Variants in OPTC observed in about 807,000 individuals in gnomAD.
OPTC encodes opticin, also known as oculoglycan.
OPTC carries 22 observed loss-of-function variants against 25.4 expected under a neutral mutation model. That is an observed-to-expected ratio of 0.87 (90% CI 0.62 to 1.24). OPTC has a LOEUF of 1.24. Ranked by LOEUF, OPTC falls within the 50% of genes most tolerant of loss-of-function variation. The pLI is 0.00. For missense variants in OPTC, 417 were observed against 425.2 expected (o/e 0.98, Z 0.17); for synonymous variants, 169 against 179.3 (o/e 0.94, Z 0.46).
Position 203,502,904 on chromosome 1 carries a change from T to C in OPTC, c.733-10T>C. Reference sequence around the variant, plus strand: ...CCACCAGCCTCCTACACTCTTTGCTTTCTCCACAGGCAATGGAGAAGCTGC... The same window carrying C: ...CCACCAGCCTCCTACACTCTTTGCTCTCTCCACAGGCAATGGAGAAGCTGC... On this transcript the variant is annotated splice_polypyrimidine_tract_variant and intron_variant, in intron 5 of 7. Coordinates refer to ENST00000367222, the MANE Select transcript of OPTC (RefSeq NM_014359.4). 6.2e-7 allele frequency: 1 copy of C among 1,612,722 alleles called. No homozygotes were observed. The highest frequency in any genetic ancestry group is 8.5e-7 in the Non-Finnish European group (1 of 1,178,976).
At chr1:203,499,901 TACCACCACCCACCTCCACCACCTACCTCC>T in intron 5 of OPTC, 50 bp downstream of exon 5, 2 of 1,460,062 alleles carry the variant, frequency 1.4e-6, no homozygotes, top group Non-Finnish European at 1.9e-6. Context: ...CACCCACCTC[TACCACCACCCACCTCCACCACCTACCTCC>T]ACCACTCACC....
chr1:203,503,986 G>A (rs909476483), intron 7 of OPTC, among the ~76,000 whole-genome samples: 3 of 152,094 alleles, frequency 2.0e-5, no homozygotes, highest in Non-Finnish European at 4.4e-5. Flanking sequence ...TCAGAAAATA[G>A]CAGTGTCTGC....
In OPTC at chr1:203,497,122, G is replaced by T; in HGVS notation, c.370+7G>T. ...AGTTCCCAGCCCAACCATGGTAAGT[G>T]CACAGTCACATGGTCGCAATATCCC... On this transcript the variant is annotated splice_region_variant and intron_variant, in intron 3 of 7. Coordinates refer to ENST00000367222, the MANE Select transcript of OPTC (RefSeq NM_014359.4). 1 of 1,613,940 alleles carries T rather than the reference G, an allele frequency of 6.2e-7. No individual in the cohort carries two copies. The highest frequency in any genetic ancestry group is 2.2e-5 in the East Asian group (1 of 44,876).
At chr1:203,498,640 CT>C in intron 3 of OPTC, 40 bp from the exon 4 acceptor site, 1 of 1,613,468 alleles carries the variant, frequency 6.2e-7, no homozygotes, top group South Asian at 1.1e-5. Context: ...GCCCCAGAGG[CT>C]AAAGAGATCT....
intron 2 of OPTC, among the ~76,000 whole-genome samples, chr1:203,496,633 C>T (rs1661285602): frequency 6.6e-6 from 1 of 152,164 alleles, no homozygotes; most frequent in Non-Finnish European, 1.5e-5. Context: ...CCCAGAAGCC[C>T]CTACTCAATT....
At chr1:203,502,802 A>G in intron 5 of OPTC, 112 bp from the exon 6 acceptor site, 1 of 838,254 alleles carries the variant, frequency 1.2e-6, no homozygotes, top group South Asian at 1.4e-5. Flanking sequence ...GCTGAGGCTA[A>G]GTGAGCCCTG....
chr1:203,505,381 T>C (rs1661463922), intron 7 of OPTC, among the ~76,000 whole-genome samples: 1 of 152,154 alleles, frequency 6.6e-6, no homozygotes, highest in South Asian at 2.1e-4. Flanking sequence ...ACAACTGATG[T>C]TTAAGCTGAA....
rs1661318363 is a variant in OPTC, at chr1:203,498,716, T to C, written c.406T>C (p.Ser136Pro). 1.9e-6 allele frequency: 3 copies of C among 1,614,054 alleles called. No homozygotes were observed. The highest frequency in any genetic ancestry group is 2.2e-5 in the South Asian group (2 of 91,094). ...CTGCCTGGTCTGCGTGTGCCTCGGT[T>C]CCTCTGTGTATTGCGATGACATTGA... ...PTCLVCVCLG[S>P]SVYCDDIDLE... The change falls in exon 4 of 8, where the codon TCC becomes CCC. Residue 136 changes from serine to proline, a missense_variant. Ser to Pro is a moderately conservative substitution (Grantham distance 74). Transcript: ENST00000367222.
intron 5 of OPTC, among the ~76,000 whole-genome samples, chr1:203,500,197 A>T (rs1174833575): frequency 1.8e-4 from 1 of 5,494 alleles, no homozygotes; most frequent in Admixed American, 2.6e-3. Context: ...CACCACCACC[A>T]CCACCACCAC....
Position 203,505,341 on chromosome 1 carries a change from G to A in OPTC, c.*25+1596G>A, listed in dbSNP as rs561401137. 7.9e-5 allele frequency among the ~76,000 whole-genome samples: 12 copies of A among 152,284 alleles called. No individual in the cohort carries two copies. The South Asian group carries it at 1.5e-3, about 18-fold the overall frequency. On this transcript the variant is annotated intron_variant, in intron 7 of 7. Coordinates refer to ENST00000367222, the MANE Select transcript of OPTC (RefSeq NM_014359.4). ...ATGCTATGAATGCTTACAAGAGGAG[G>A]ACCCAACTTAGGGGTCCAGAAGATC...
Position 203,503,683 on chromosome 1 carries a change from T to C in OPTC, c.962T>C (p.Phe321Ser). The C allele has an allele frequency of 6.2e-7, 1 of 1,611,458 alleles. No homozygotes were observed. ...INLSLFPSAY[F>S]CLPRLPIGRF... ...CTCAGCCTCTTCCCCAGCGCCTACT[T>C]CTGCCTGCCTCGGCTCCCCATCGGC... The change falls in exon 7 of 8, where the codon TTC becomes TCC. Residue 321 changes from phenylalanine to serine, a missense_variant. Transcript: ENST00000367222.
rs146934199 is a variant in OPTC, at chr1:203,499,100, C to T, written c.529+261C>T. ...GGGAGGGGAAGGTATGATCTGCCAG[C>T]ATCTTCAGGATGTCCCAGCAGTGAC... On this transcript the variant is annotated intron_variant, in intron 4 of 7. Transcript: ENST00000367222. Among the ~76,000 whole-genome samples, 2,294 of 152,304 alleles carry T rather than the reference C, an allele frequency of 0.015. 25 individuals are homozygous for T. Among genetic ancestry groups the T allele is most frequent in the Middle Eastern group, 0.031 (9 of 294 alleles).
intron 7 of OPTC, among the ~76,000 whole-genome samples, chr1:203,507,150 C>T (rs1275045589): frequency 1.3e-5 from 2 of 152,216 alleles, no homozygotes; most frequent in Non-Finnish European, 2.9e-5. Context: ...TGTTCCTTCT[C>T]GATCTTGATG....
At chr1:203,508,186 A>C (rs553898886) in intron 7 of OPTC, among the ~76,000 whole-genome samples, 24 of 152,366 alleles carry the variant, frequency 1.6e-4, no homozygotes, top group Admixed American at 1.4e-3. Flanking sequence ...AATTCTTGTC[A>C]GAGAAATGGG....
chr1:203,506,480 T>TAAA (rs35729215), intron 7 of OPTC, among the ~76,000 whole-genome samples: 7 of 146,490 alleles, frequency 4.8e-5, no homozygotes, highest in South Asian at 2.2e-4. Context: ...AAAATCTAAT[T>TAAA]AAAAAAAAAA....
At chr1:203,502,271 C>A (rs958316501) in intron 5 of OPTC, among the ~76,000 whole-genome samples, 1 of 152,144 alleles carries the variant, frequency 6.6e-6, no homozygotes. Flanking sequence ...ACACTGTGTA[C>A]CTCTCTGTGC....
chr1:203,502,098 A>T (rs1249443461), intron 5 of OPTC, among the ~76,000 whole-genome samples: 1 of 152,184 alleles, frequency 6.6e-6, no homozygotes, highest in Non-Finnish European at 1.5e-5. Context: ...TAAATAAGAT[A>T]GCATTTTACA....
At chr1:203,505,375 C>T (rs757060781) in intron 7 of OPTC, among the ~76,000 whole-genome samples, 36 of 152,174 alleles carry the variant, frequency 2.4e-4, no homozygotes, top group Non-Finnish European at 4.0e-4. Context: ...TCTTGCACAA[C>T]TGATGTTTAA....
rs754627832 is a variant in OPTC, at chr1:203,503,621, G to A, written c.900G>A (p.Gln300=). The change falls in exon 7 of 8, where the codon CAG becomes CAA. Residue 300 remains glutamine, a synonymous_variant. Transcript: ENST00000367222. The part of the protein sequence containing the change: ...DPEEHKHTRR[Q]LEDIRLDGNP... The stretch of plus-strand genomic sequence containing the variant: ...AGGAGCACAAACACACCCGCAGGCA[G>A]CTGGAAGACATCCGCCTGGATGGCA... 1 of 1,613,680 alleles carries A rather than the reference G, an allele frequency of 6.2e-7. No individual in the cohort carries two copies. The highest frequency in any genetic ancestry group is 8.5e-7 in the Non-Finnish European group (1 of 1,180,026).
Sources: allele counts gnomAD v4.1 joint callset (sites outside exome capture counted in the v4.1 genomes callset), GRCh38; gene constraint gnomAD v4.1.1; transcripts MANE v1.5; gene names NCBI Gene and HGNC (gene_info 2026-07-23, HGNC 2026-07-21).